The following MYO5B variants were observed in gnomAD, a reference collection of about 807,000 sequenced individuals.
MYO5B encodes myosin VB.
In MYO5B, 143 loss-of-function variants were observed where a neutral mutation model predicts 229.3. That is an observed-to-expected ratio of 0.62 (90% CI 0.54 to 0.72). The LOEUF (loss-of-function observed/expected upper bound fraction) is 0.72, where lower values mean the gene tolerates loss of function less well. Ranked by LOEUF, MYO5B falls within the 30% of genes least tolerant of loss-of-function variation. The pLI is 0.00. For synonymous variants in MYO5B, 918 were observed against 885.2 expected, an observed-to-expected ratio of 1.04 and a Z score of -0.66; for missense variants, 2,321 against 2,331.0, an observed-to-expected ratio of 1.00 and a Z score of 0.09.
chr18:49,849,177 C>T (rs750328659), intron 32 of MYO5B, among the ~76,000 whole-genome samples: 43 of 152,230 alleles, frequency 2.8e-4, no homozygotes, highest in Middle Eastern at 3.4e-3. Context: ...TTAATCCTGA[C>T]ACTCAATAGC....
intron 39 of MYO5B, among the ~76,000 whole-genome samples, chr18:49,833,877 T>TA (rs2023954263): frequency 6.6e-6 from 1 of 152,164 alleles, no homozygotes; most frequent in African/African-American, 2.4e-5. Flanking sequence ...ACCCCATTGT[T>TA]GTATACATGT....
intron 1 of MYO5B, among the ~76,000 whole-genome samples, chr18:50,145,897 T>C (rs1344757033): frequency 6.6e-6 from 1 of 152,244 alleles, no homozygotes; most frequent in Non-Finnish European, 1.5e-5. Context: ...TTTACACCAT[T>C]GGTCTTCACT....
intron 39 of MYO5B, 72 bp downstream of exon 39, chr18:49,835,272 T>C: frequency 8.7e-7 from 1 of 1,148,830 alleles, no homozygotes; most frequent in South Asian, 1.2e-5. Flanking sequence ...AGAAGCAAGA[T>C]TAAAGCCCAA....
chr18:49,930,418 T>C (rs1012637651), intron 16 of MYO5B, among the ~76,000 whole-genome samples: 2 of 152,240 alleles, frequency 1.3e-5, no homozygotes, highest in African/African-American at 2.4e-5. Context: ...AAACCCAGTA[T>C]GTTTTTAAAC....
At chr18:50,163,338 C>T (rs897544435) in intron 1 of MYO5B, among the ~76,000 whole-genome samples, 3 of 152,136 alleles carry the variant, frequency 2.0e-5, no homozygotes, top group Non-Finnish European at 4.4e-5. Context: ...TGGTACCCTC[C>T]ACTCTCCCAG....
chr18:50,063,834 A>G lies in MYO5B; in HGVS notation c.28-8456T>C, dbSNP rs187832808. ...ATCACACATTCTATATCTATATTTG[A>G]AGCTAATAAGGAATCGAGTCTCCAT... is the stretch of plus-strand genomic sequence containing the variant. On this transcript the variant is annotated intron_variant, in intron 1 of 39. Transcript: ENST00000285039. 4.6e-4 allele frequency: 70 copies of G among 152,344 alleles called. 1 individual carries two copies. Among genetic ancestry groups the G allele is most frequent in the African/African-American group, 1.6e-3 (68 of 41,562 alleles). 9.4% of individuals were successfully genotyped at this position (152,344 alleles called of 1,614,324 possible). A position where few individuals can be genotyped will look rare whatever the true frequency, so the allele number is the denominator to read the frequency against.
intron 10 of MYO5B, among the ~76,000 whole-genome samples, chr18:49,971,518 A>G (rs1439032546): frequency 1.3e-5 from 2 of 152,168 alleles, no homozygotes; most frequent in Non-Finnish European, 2.9e-5. Context: ...TAGATTAGAA[A>G]GTACCTCCAG....
intron 1 of MYO5B, among the ~76,000 whole-genome samples, chr18:50,079,725 C>CCTCT (rs1568098481): frequency 1.3e-3 from 192 of 152,284 alleles, no homozygotes; most frequent in African/African-American, 4.4e-3. Flanking sequence ...ATGGGATGGG[C>CCTCT]GGGAGCCTCT....
chr18:50,103,315 G>A (rs1335331378), intron 1 of MYO5B, among the ~76,000 whole-genome samples: 19 of 151,956 alleles, frequency 1.3e-4, no homozygotes, highest in Non-Finnish European at 2.8e-4. Flanking sequence ...CTAAACTATG[G>A]AGGCTGGGAA....
Position 50,067,692 on chromosome 18 carries a change from G to C in MYO5B, c.28-12314C>G, listed in dbSNP as rs79826463. On this transcript the variant is annotated intron_variant, in intron 1 of 39. Coordinates refer to ENST00000285039, the MANE Select transcript of MYO5B (RefSeq NM_001080467.3). ...TCTCTTGCTTCCTCTCTTGCCATGT[G>C]ATCTCCACAAATGCTGGCTCCCCTT... Among the ~76,000 whole-genome samples, 1,513 of 152,220 alleles carry C rather than the reference G, an allele frequency of 9.9e-3. 28 individuals are homozygous for C. The highest frequency in any genetic ancestry group is 0.034 in the African/African-American group (1,417 of 41,514).
intron 1 of MYO5B, among the ~76,000 whole-genome samples, chr18:50,152,864 TAAAAA>T (rs67858852): frequency 4.8e-5 from 6 of 125,438 alleles, no homozygotes; most frequent in Admixed American, 7.9e-5. Flanking sequence ...TTCTCAAAAC[TAAAAA>T]AAAAAAAAAA....
chr18:49,888,267 C>G (rs1039612619), intron 22 of MYO5B, among the ~76,000 whole-genome samples: 1 of 152,192 alleles, frequency 6.6e-6, no homozygotes, highest in African/African-American at 2.4e-5. Flanking sequence ...ACACCCTCCT[C>G]TCACCTTCAA....
chr18:49,872,767 T>C (rs146563842), intron 26 of MYO5B, among the ~76,000 whole-genome samples: 152 of 152,280 alleles, frequency 1.0e-3, no homozygotes, highest in Admixed American at 1.0e-3. Flanking sequence ...GAGAAAGGCA[T>C]GAAGCAAATT....
chr18:49,903,608 C>G (rs1042301560), intron 20 of MYO5B, among the ~76,000 whole-genome samples: 3 of 152,174 alleles, frequency 2.0e-5, no homozygotes, highest in Non-Finnish European at 4.4e-5. Context: ...TGTGCTCCAC[C>G]CTGACCACAT....
intron 1 of MYO5B, among the ~76,000 whole-genome samples, chr18:50,076,000 C>A (rs1042333465): frequency 3.3e-5 from 5 of 152,226 alleles, no homozygotes; most frequent in African/African-American, 1.2e-4. Context: ...CAATTTGAAT[C>A]CACGAAGGCC....
At chr18:50,096,769 C>T (rs1363365585) in intron 1 of MYO5B, among the ~76,000 whole-genome samples, 2 of 152,232 alleles carry the variant, frequency 1.3e-5, no homozygotes, top group African/African-American at 4.8e-5. Context: ...CTTTGCCCTG[C>T]CTTGCATTTC....
chr18:50,072,747 A>G (rs570743198), intron 1 of MYO5B, among the ~76,000 whole-genome samples: 1 of 152,326 alleles, frequency 6.6e-6, no homozygotes, highest in East Asian at 1.9e-4. Flanking sequence ...ACACACAGTT[A>G]TTGGAAACCA....
At chr18:50,072,148 T>C (rs551786380) in intron 1 of MYO5B, among the ~76,000 whole-genome samples, 4 of 152,162 alleles carry the variant, frequency 2.6e-5, no homozygotes, top group Non-Finnish European at 5.9e-5. Context: ...TGGGAACTGA[T>C]GTTATGGAGG....
intron 1 of MYO5B, among the ~76,000 whole-genome samples, chr18:50,187,692 T>C (rs924564518): frequency 2.0e-5 from 3 of 152,250 alleles, no homozygotes; most frequent in Non-Finnish European, 1.5e-5. Context: ...ATTTTTTCTA[T>C]TTTTTGTAGA....
Sources: allele counts gnomAD v4.1 joint callset (sites outside exome capture counted in the v4.1 genomes callset), GRCh38; gene constraint gnomAD v4.1.1; transcripts MANE v1.5; gene names NCBI Gene and HGNC (gene_info 2026-07-23, HGNC 2026-07-21).